FGFR2: variants seen among roughly 807,000 people sequenced by gnomAD.
The protein encoded by FGFR2 is fibroblast growth factor receptor 2.
Under a neutral mutation model 95.9 loss-of-function variants are expected in FGFR2, and 19 were observed. The observed-to-expected ratio is 0.20, with a 90% CI of 0.14 to 0.29. The LOEUF (loss-of-function observed/expected upper bound fraction) is 0.29, where lower values mean the gene tolerates loss of function less well. Among genes scored for constraint, FGFR2 ranks in the 10% least tolerant of loss-of-function variants. The pLI is 1.00. For synonymous variants in FGFR2, 392 were observed against 393.3 expected, an observed-to-expected ratio of 1.00 and a Z score of 0.04; for missense variants, 707 against 1,056.9, an observed-to-expected ratio of 0.67 and a Z score of 4.59.
chr10:121,537,287 A>C (rs1280012948), intron 6 of FGFR2, among the ~76,000 whole-genome samples: 3 of 152,236 alleles, frequency 2.0e-5, no homozygotes, highest in Admixed American at 1.3e-4. Flanking sequence ...CTGAATGCTT[A>C]TATGCAAATG....
intron 13 of FGFR2, among the ~76,000 whole-genome samples, chr10:121,489,028 C>T (rs1845786141): frequency 6.6e-6 from 1 of 152,094 alleles, no homozygotes; most frequent in Admixed American, 6.6e-5. Flanking sequence ...CTATTGATTT[C>T]TTGCTTGTTT....
intron 5 of FGFR2, 92 bp downstream of exon 5, chr10:121,551,198 C>G: frequency 6.9e-7 from 1 of 1,443,410 alleles, no homozygotes; most frequent in Non-Finnish European, 9.6e-7. Context: ...CCAGCCTGGG[C>G]GACAGAGCGA....
intron 17 of FGFR2, among the ~76,000 whole-genome samples, chr10:121,482,545 T>C (rs1564848652): frequency 6.6e-6 from 1 of 152,242 alleles, no homozygotes; most frequent in Non-Finnish European, 1.5e-5. Context: ...AATTGCATGG[T>C]TTGGAGTTAG....
intron 9 of FGFR2, 49 bp from the exon 10 acceptor site, chr10:121,503,990 A>T (rs1279308098): frequency 1.2e-6 from 2 of 1,609,008 alleles, no homozygotes; most frequent in South Asian, 2.2e-5. Flanking sequence ...TCCATCTGAG[A>T]AGGCTGGAAG....
intron 2 of FGFR2, among the ~76,000 whole-genome samples, chr10:121,571,719 G>A (rs925369123): frequency 9.9e-5 from 15 of 152,088 alleles, no homozygotes; most frequent in East Asian, 3.9e-4. Context: ...CGAAGCGGGC[G>A]GATCACCTGA....
At chr10:121,493,712 C>T (rs1846424430) in intron 13 of FGFR2, among the ~76,000 whole-genome samples, 1 of 152,214 alleles carries the variant, frequency 6.6e-6, no homozygotes, top group African/African-American at 2.4e-5. Context: ...TCACAGCTCC[C>T]TTTGCTGCCT....
chr10:121,554,731 T>C (rs185594954), intron 4 of FGFR2, among the ~76,000 whole-genome samples: 67 of 152,218 alleles, frequency 4.4e-4, no homozygotes, highest in African/African-American at 1.5e-3. Flanking sequence ...ATGTGAACCT[T>C]GAATCTGTAA....
Position 121,479,954 on chromosome 10 carries a change from C to T in FGFR2, c.2369G>A (p.Cys790Tyr), listed in dbSNP as rs780497781. The change falls in exon 18 of 18, where the codon TGT becomes TAT. Residue 790 changes from cysteine (C) to tyrosine (Y), a missense_variant. Cys to Tyr is a radical substitution (Grantham distance 194, BLOSUM62 -2). Transcript: ENST00000358487. Reference sequence around the variant, plus strand: ...AAAAACAGAATCATCTCCTGAAGAACAAGAACTTCTTGTGTCAGGGTAACT... The same window carrying T: ...AAAAACAGAATCATCTCCTGAAGAATAAGAACTTCTTGTGTCAGGGTAACT... Reference protein sequence around the residue: ...SPSYPDTRSSCSSGDDSVFSP... With the variant: ...SPSYPDTRSSYSSGDDSVFSP... The T allele has an allele frequency of 1.4e-5, 23 of 1,614,030 alleles. No homozygotes were observed. Among genetic ancestry groups the T allele is most frequent in the Non-Finnish European group, 1.6e-5 (19 of 1,180,044 alleles).
At position 121,500,866 on chromosome 10, in the gene FGFR2, C is replaced by T. The variant is rs1847517563; in HGVS notation, c.1521G>A (p.Lys507=). Residue 507 remains lysine (K), a synonymous_variant, in exon 11 of 18, where the codon AAG becomes AAA. Coordinates refer to ENST00000358487, the MANE Select transcript of FGFR2 (RefSeq NM_000141.5). ...CGGCCACGGTGACCGCCTCCTTGGG[C>T]TTGTCTTTGTCAATTCCCACTGCTT... ...MAEAVGIDKD[K]PKEAVTVAVK... The T allele has an allele frequency of 6.2e-7, 1 of 1,614,092 alleles. No homozygotes were observed. Among genetic ancestry groups the T allele is most frequent in the Non-Finnish European group, 8.5e-7 (1 of 1,180,054 alleles).
At chr10:121,590,986 C>T (rs1295747193) in intron 2 of FGFR2, among the ~76,000 whole-genome samples, 2 of 148,044 alleles carry the variant, frequency 1.4e-5, no homozygotes, top group East Asian at 2.0e-4. Context: ...CACGCGCACT[C>T]GCGCACACAC....
intron 10 of FGFR2, among the ~76,000 whole-genome samples, chr10:121,501,409 T>C (rs1449018097): frequency 6.6e-6 from 1 of 152,250 alleles, no homozygotes; most frequent in Non-Finnish European, 1.5e-5. Context: ...TTACAGGATA[T>C]GCCTCTTAAA....
chr10:121,517,340 C>G lies in FGFR2; in HGVS notation c.1063G>C (p.Ala355Pro), dbSNP rs2134254706. 1 of 1,614,180 alleles carries G rather than the reference C, an allele frequency of 6.2e-7. No homozygotes were observed. The highest frequency in any genetic ancestry group is 8.5e-7 in the Non-Finnish European group (1 of 1,180,034). ...ATACCTGGCAGAACTGTCAACCATGCAGAGTGAAAGGATATCCCAATAGAA... is the reference window on the plus strand; with the variant it reads ...ATACCTGGCAGAACTGTCAACCATGGAGAGTGAAAGGATATCCCAATAGAA... ...GNSIGISFHS[A>P]WLTVLPAPGR... is the part of the protein sequence containing the mutation. Residue 355 changes from alanine to proline, a missense_variant, in exon 8 of 18, where the codon GCA (alanine) becomes CCA (proline). Physicochemically the swap from Ala to Pro is conservative, Grantham distance 27. This residue lies in a region of FGFR2 where 139 missense variants were observed against 278.1 expected (regional missense o/e 0.50). Transcript: ENST00000358487. The surrounding 1 kb of genome is among the most constrained non-coding windows in gnomAD (Gnocchi z 4.7).
chr10:121,569,700 A>C (rs1452138461), intron 2 of FGFR2, among the ~76,000 whole-genome samples: 1 of 152,190 alleles, frequency 6.6e-6, no homozygotes, highest in Non-Finnish European at 1.5e-5. Flanking sequence ...AAATACACCA[A>C]TGAGATAATG....
chr10:121,570,298 T>G (rs555027545), intron 2 of FGFR2, among the ~76,000 whole-genome samples: 91 of 152,350 alleles, frequency 6.0e-4, no homozygotes, highest in African/African-American at 2.1e-3. Flanking sequence ...ATGCACTCCC[T>G]GAGCCCTCCA....
chr10:121,491,816 G>A (rs1344757995), intron 13 of FGFR2, among the ~76,000 whole-genome samples: 2 of 150,270 alleles, frequency 1.3e-5, no homozygotes, highest in East Asian at 4.0e-4. Flanking sequence ...GCTGCAGTGA[G>A]CCGAGATAGC....
intron 6 of FGFR2, among the ~76,000 whole-genome samples, chr10:121,529,022 G>A (rs1851753329): frequency 6.6e-6 from 1 of 152,170 alleles, no homozygotes; most frequent in Non-Finnish European, 1.5e-5. Flanking sequence ...TGCCTCCCGG[G>A]TACAAGCAAT....
intron 6 of FGFR2, among the ~76,000 whole-genome samples, chr10:121,529,429 G>A (rs1020947891): frequency 6.6e-6 from 1 of 152,184 alleles, no homozygotes; most frequent in African/African-American, 2.4e-5. Flanking sequence ...AATTTAAAGG[G>A]CTAAGTCCTT....
At chr10:121,482,185 GA>G in intron 17 of FGFR2, 4 of 1,610,934 alleles carry the variant, frequency 2.5e-6, no homozygotes, top group South Asian at 1.1e-5. Context: ...GATCTGATAG[GA>G]AAAAAACAGG....
rs1849888235 is a variant in FGFR2, at chr10:121,517,739, G to A, written c.940-276C>T. Among the ~76,000 whole-genome samples the A allele has an allele frequency of 6.6e-6, 1 of 152,038 alleles. No individual in the cohort carries two copies. The highest frequency in any genetic ancestry group is 6.6e-5 in the Admixed American group (1 of 15,266). The stretch of plus-strand genomic sequence containing the variant: ...TCAACCCACAGAGGTCCGTTCTCTT[G>A]GCCTGTGCTTTGGTTTGCATTTAGG... On this transcript the variant is annotated intron_variant, in intron 7 of 17. Coordinates refer to ENST00000358487, the MANE Select transcript of FGFR2 (RefSeq NM_000141.5). The surrounding 1 kb of genome is among the most constrained non-coding windows in gnomAD (Gnocchi z 4.7).
Sources: allele counts gnomAD v4.1 joint callset (sites outside exome capture counted in the v4.1 genomes callset), GRCh38; gene constraint gnomAD v4.1.1; regional missense constraint gnomAD v4.1.1; non-coding constraint Gnocchi (gnomAD v3.1); transcripts MANE v1.5; gene names NCBI Gene and HGNC (gene_info 2026-07-23, HGNC 2026-07-21).